Variants in CRTAC1 observed in about 807,000 individuals in gnomAD.
The protein encoded by CRTAC1 is acidic secreted protein in cartilage.
A neutral mutation model predicts 67.8 loss-of-function variants in CRTAC1; 37 were observed. The observed-to-expected ratio is 0.55, with a 90% CI of 0.42 to 0.72. The LOEUF is 0.72. Among genes scored for constraint, CRTAC1 ranks in the 30% least tolerant of loss-of-function variants. CRTAC1 has a pLI of 0.00. For missense variants in CRTAC1, 780 were observed against 931.6 expected, an observed-to-expected ratio of 0.84 and a Z score of 2.12; for synonymous variants, 348 against 371.0, an observed-to-expected ratio of 0.94 and a Z score of 0.71.
Position 98,029,778 on chromosome 10 carries a change from G to A in CRTAC1, c.24+671C>T, listed in dbSNP as rs1843325416. Among the ~76,000 whole-genome samples the A allele has an allele frequency of 6.6e-6, 1 of 152,142 alleles. No individual in the cohort carries two copies. The highest frequency in any genetic ancestry group is 2.1e-4 in the South Asian group (1 of 4,828). On this transcript the variant is annotated intron_variant, in intron 1 of 14. Coordinates refer to ENST00000370597, the MANE Select transcript of CRTAC1 (RefSeq NM_018058.7). The surrounding 1 kb of genome is among the most constrained non-coding windows in gnomAD (Gnocchi z 4.7). The stretch of plus-strand genomic sequence containing the variant: ...CATCAAAGCCTCCAAGTGCCCCCAC[G>A]GGGTCGAGGAGGACTCAGGGTTCCC...
chr10:98,014,064 C>T (rs774694517), intron 1 of CRTAC1, among the ~76,000 whole-genome samples: 4 of 152,108 alleles, frequency 2.6e-5, no homozygotes, highest in African/African-American at 7.2e-5. Context: ...GTCTTGATGG[C>T]GTATTTTTTG....
intron 2 of CRTAC1, among the ~76,000 whole-genome samples, chr10:97,950,367 C>A (rs1318449267): frequency 6.6e-6 from 1 of 151,868 alleles, no homozygotes; most frequent in Non-Finnish European, 1.5e-5. Flanking sequence ...TTGACAGGAG[C>A]TGAATGATAG....
chr10:97,966,300 G>T (rs1288226599), intron 2 of CRTAC1, among the ~76,000 whole-genome samples: 3 of 152,190 alleles, frequency 2.0e-5, no homozygotes, highest in South Asian at 2.1e-4. Context: ...AGTACAGACC[G>T]GGTTTTGCCA....
intron 2 of CRTAC1, among the ~76,000 whole-genome samples, chr10:97,986,864 C>T (rs1252059293): frequency 6.6e-6 from 1 of 152,226 alleles, no homozygotes; most frequent in South Asian, 2.1e-4. Context: ...ATCTGCCCTC[C>T]TGTTCTCACT....
chr10:97,999,213 C>A (rs568925902), intron 2 of CRTAC1, among the ~76,000 whole-genome samples: 1 of 152,220 alleles, frequency 6.6e-6, no homozygotes. Flanking sequence ...AAGGCATGAG[C>A]CCCACCATCC....
chr10:98,002,960 T>G (rs904733617), intron 2 of CRTAC1, among the ~76,000 whole-genome samples: 15 of 151,004 alleles, frequency 9.9e-5, no homozygotes, highest in Non-Finnish European at 1.8e-4. Context: ...TTTTTTTGTA[T>G]TTTTAGTAGA....
At chr10:97,894,483 C>T (rs1163014135) in intron 11 of CRTAC1, among the ~76,000 whole-genome samples, 1 of 151,498 alleles carries the variant, frequency 6.6e-6, no homozygotes, top group Non-Finnish European at 1.5e-5. Context: ...CAGCCTCTAC[C>T]TCCCTGGGCT....
At chr10:97,876,590 A>G (rs1195320202) in intron 14 of CRTAC1, among the ~76,000 whole-genome samples, 2 of 152,140 alleles carry the variant, frequency 1.3e-5, no homozygotes, top group South Asian at 2.1e-4. Context: ...CTCCATTTGC[A>G]TAATCCCTTC....
intron 5 of CRTAC1, among the ~76,000 whole-genome samples, chr10:97,912,386 G>A (rs914571146): frequency 5.9e-5 from 9 of 152,174 alleles, no homozygotes; most frequent in African/African-American, 2.2e-4. Flanking sequence ...AGTTAGAGGG[G>A]AAAATGCCCC....
rs755711919 is a variant in CRTAC1 at position 97,865,596 on chromosome 10, A to C, written c.1938T>G (p.Asp646Glu). ...CCTTAACCACCGACCCCAGATTGAGATCTCCATCTACGAGGACCGGTGCAG... is the reference window on the plus strand; with the variant it reads ...CCTTAACCACCGACCCCAGATTGAGCTCTCCATCTACGAGGACCGGTGCAG... ...ATAAPVLVDGDLNLGSVVKES... is the reference protein window; with the variant it reads ...ATAAPVLVDGELNLGSVVKES... The change falls in exon 15 of 15, where the codon GAT (aspartate) becomes GAG (glutamate). Residue 646 changes from aspartate (D) to glutamate (E), a missense_variant. Transcript: ENST00000370597. 1.2e-6 allele frequency: 2 copies of C among 1,613,180 alleles called. No homozygotes were observed. The highest frequency in any genetic ancestry group is 2.7e-5 in the African/African-American group (2 of 74,910).
At chr10:97,923,445 G>T in intron 3 of CRTAC1, 45 bp from the exon 4 acceptor site, 1 of 1,611,898 alleles carries the variant, frequency 6.2e-7, no homozygotes, top group Non-Finnish European at 8.5e-7. Context: ...GTGGATCAGG[G>T]TCTTGGTTCT....
intron 6 of CRTAC1, among the ~76,000 whole-genome samples, chr10:97,907,514 G>C (rs894030946): frequency 6.7e-6 from 1 of 148,528 alleles, no homozygotes; most frequent in South Asian, 2.2e-4. Flanking sequence ...GGATATTTTT[G>C]TCTACATCTG....
At chr10:97,967,192 A>T (rs2136648821) in intron 2 of CRTAC1, among the ~76,000 whole-genome samples, 1 of 152,192 alleles carries the variant, frequency 6.6e-6, no homozygotes, top group Middle Eastern at 3.4e-3. Flanking sequence ...GTATAGCTTC[A>T]TTGATATTTA....
At chr10:97,868,611 T>TGGCCAG (rs1161825104) in intron 14 of CRTAC1, 3 of 152,330 alleles carry the variant, frequency 2.0e-5, no homozygotes, top group Non-Finnish European at 4.4e-5. Context: ...TCACTCCCTC[T>TGGCCAG]GCTGGAACCT....
intron 11 of CRTAC1, among the ~76,000 whole-genome samples, chr10:97,892,281 G>C (rs962363058): frequency 8.5e-5 from 13 of 152,266 alleles, no homozygotes; most frequent in African/African-American, 3.1e-4. Context: ...GGCTGCCCCT[G>C]AGATGTGGGG....
At chr10:97,997,268 T>A (rs1053163900) in intron 2 of CRTAC1, among the ~76,000 whole-genome samples, 17 of 128,582 alleles carry the variant, frequency 1.3e-4, no homozygotes, top group South Asian at 4.8e-4. Context: ...ATAATAATAA[T>A]AAATAAAATA....
chr10:97,908,592 C>A (rs1010094015), intron 5 of CRTAC1, among the ~76,000 whole-genome samples: 7 of 152,214 alleles, frequency 4.6e-5, no homozygotes, highest in Non-Finnish European at 7.3e-5. Context: ...GCTTTAAGAA[C>A]CTATAGGGAT....
intron 2 of CRTAC1, among the ~76,000 whole-genome samples, chr10:97,996,305 A>C (rs1306408722): frequency 4.0e-5 from 6 of 150,670 alleles, no homozygotes; most frequent in Admixed American, 2.0e-4. Context: ...CAACCTACAA[A>C]ATGGGAGAAA....
intron 14 of CRTAC1, chr10:97,879,571 A>T (rs1221546623): frequency 2.2e-6 from 3 of 1,338,962 alleles, no homozygotes; most frequent in Admixed American, 2.9e-5. Flanking sequence ...ATTCAGAGGG[A>T]GCACACAGCA....
Sources: allele counts gnomAD v4.1 joint callset (sites outside exome capture counted in the v4.1 genomes callset), GRCh38; gene constraint gnomAD v4.1.1; non-coding constraint Gnocchi (gnomAD v3.1); transcripts MANE v1.5; gene names NCBI Gene and HGNC (gene_info 2026-07-23, HGNC 2026-07-21).